SFXN5: variants seen among roughly 807,000 people sequenced by gnomAD.
SFXN5 encodes the protein sideroflexin 5, also known as sideroflexin-5.
Under a neutral mutation model 50.2 loss-of-function variants are expected in SFXN5, and 43 were observed. That is an observed-to-expected ratio of 0.86 (90% CI 0.67 to 1.11). The LOEUF (loss-of-function observed/expected upper bound fraction) is 1.11. Ranked by LOEUF, SFXN5 falls within the 50% of genes least tolerant of loss-of-function variation. The pLI is 0.00. For missense variants in SFXN5, 463 were observed against 454.1 expected (o/e 1.02, Z -0.18); for synonymous variants, 203 against 185.8 (o/e 1.09, Z -0.75).
intron 2 of SFXN5, among the ~76,000 whole-genome samples, chr2:73,045,542 G>T (rs1445723066): frequency 6.6e-6 from 1 of 151,968 alleles, no homozygotes; most frequent in African/African-American, 2.4e-5. Flanking sequence ...GTGGCGGGGG[G>T]TGGGGGTGAG....
chr2:72,955,932 C>T (rs1673042662), intron 13 of SFXN5, among the ~76,000 whole-genome samples: 1 of 152,284 alleles, frequency 6.6e-6, no homozygotes, highest in African/African-American at 2.4e-5. Flanking sequence ...CAAGCTGCCG[C>T]GCAGCCTCTG....
intron 12 of SFXN5, among the ~76,000 whole-genome samples, chr2:72,965,458 C>A (rs1339627225): frequency 6.6e-6 from 1 of 152,162 alleles, no homozygotes; most frequent in East Asian, 1.9e-4. Context: ...CCTCTGTCCT[C>A]GCGATAAGGC....
chr2:72,960,525 T>G lies in SFXN5; in HGVS notation c.945+606A>C, dbSNP rs1384920146. Among the ~76,000 whole-genome samples, 1 of 152,154 alleles carries G rather than the reference T, an allele frequency of 6.6e-6. No individual in the cohort carries two copies. The highest frequency in any genetic ancestry group is 6.5e-5 in the Admixed American group (1 of 15,282). ...CCTGATGGTTCCTTCTCTGGAGCTC[T>G]AACCCAGCCCCACGCGGCAGCACAG... On this transcript the variant is annotated intron_variant, in intron 13 of 13. Transcript: ENST00000272433. This position sits in a 1 kb window ranked among gnomAD's most constrained non-coding sequence, Gnocchi z 6.1.
intron 13 of SFXN5, among the ~76,000 whole-genome samples, chr2:72,952,993 T>G (rs945916827): frequency 6.6e-6 from 1 of 152,176 alleles, no homozygotes; most frequent in Non-Finnish European, 1.5e-5. Flanking sequence ...CTAGGTGTCC[T>G]GGAAGGTCCT....
At chr2:73,044,782 G>A (rs1176077220) in intron 2 of SFXN5, among the ~76,000 whole-genome samples, 1 of 152,264 alleles carries the variant, frequency 6.6e-6, no homozygotes, top group Non-Finnish European at 1.5e-5. Context: ...GTGTCACCAT[G>A]AGAGTCCCTC....
At position 72,984,664 on chromosome 2, in the gene SFXN5, T is replaced by C. The variant is rs537278731; in HGVS notation, c.625+3594A>G. On this transcript the variant is annotated intron_variant, in intron 10 of 13. Transcript: ENST00000272433. ...GAACCGAGGGAGGAGAGAGGCTTGCTAGGGAATATGAGGGGAGCCGTGCAG... is the reference window on the plus strand; with the variant it reads ...GAACCGAGGGAGGAGAGAGGCTTGCCAGGGAATATGAGGGGAGCCGTGCAG... Among the ~76,000 whole-genome samples the C allele has an allele frequency of 2.0e-5, 3 of 152,224 alleles. No individual in the cohort carries two copies. The East Asian group carries it at 5.8e-4, about 29-fold the overall frequency.
At chr2:73,071,235 T>C (rs999912576) in intron 1 of SFXN5, 1 of 238,074 alleles carries the variant, frequency 4.2e-6, no homozygotes, top group African/African-American at 2.3e-5. Flanking sequence ...ACTAGAACTT[T>C]GCGTCCCGGG....
At chr2:73,057,741 G>C (rs1255771702) in intron 2 of SFXN5, among the ~76,000 whole-genome samples, 1 of 152,138 alleles carries the variant, frequency 6.6e-6, no homozygotes, top group East Asian at 1.9e-4. Flanking sequence ...GGAGGTGATT[G>C]AATGATGGGG....
chr2:73,008,279 G>A (rs1402381761), intron 6 of SFXN5, among the ~76,000 whole-genome samples: 1 of 152,202 alleles, frequency 6.6e-6, no homozygotes, highest in Non-Finnish European at 1.5e-5. Context: ...GGTGTTCATG[G>A]TCTGCCCTCC....
At chr2:73,059,904 G>C in intron 1 of SFXN5, 1 of 863,220 alleles carries the variant, frequency 1.2e-6, no homozygotes, top group Non-Finnish European at 1.4e-6. Flanking sequence ...ATTCACTGCT[G>C]CATTCTTTAC....
chr2:73,050,991 G>C (rs1681242924), intron 2 of SFXN5, among the ~76,000 whole-genome samples: 1 of 152,158 alleles, frequency 6.6e-6, no homozygotes, highest in Non-Finnish European at 1.5e-5. Flanking sequence ...CTAGTTCATT[G>C]CTCTCAAGCC....
chr2:72,982,073 G>C (rs972195517), intron 10 of SFXN5, among the ~76,000 whole-genome samples: 1 of 152,090 alleles, frequency 6.6e-6, no homozygotes, highest in African/African-American at 2.4e-5. Flanking sequence ...TGCCACCCCT[G>C]ATTGGGGCAG....
intron 13 of SFXN5, among the ~76,000 whole-genome samples, chr2:72,954,385 C>G (rs1672850505): frequency 6.6e-6 from 1 of 152,098 alleles, no homozygotes; most frequent in South Asian, 2.1e-4. Context: ...CGGGGGAGGT[C>G]AGTTCTCTGC....
At chr2:73,052,359 CGTGTGTGTGTGTGTGTGTGT>C in intron 2 of SFXN5, among the ~76,000 whole-genome samples, 1 of 142,454 alleles carries the variant, frequency 7.0e-6, no homozygotes, top group South Asian at 2.3e-4. Flanking sequence ...TGTGTGTATG[CGTGTGTGTGTGTGTGTGTGT>C]GTGTGTGTGT....
intron 2 of SFXN5, among the ~76,000 whole-genome samples, chr2:73,041,930 C>T (rs1294053685): frequency 1.3e-5 from 2 of 152,120 alleles, no homozygotes; most frequent in East Asian, 3.9e-4. Context: ...AACTCCTGGG[C>T]TCAAGCGAGA....
intron 9 of SFXN5, among the ~76,000 whole-genome samples, chr2:72,993,135 C>T (rs1383850764): frequency 1.3e-5 from 2 of 152,102 alleles, no homozygotes; most frequent in Non-Finnish European, 2.9e-5. Flanking sequence ...GTAAGGGGCA[C>T]GCCTAAAAGG....
rs1209321520 is a variant in SFXN5 at position 72,945,303 on chromosome 2, T to C, written c.946-204A>G. ...CCGCCGCGGGGCTCACAGCATCCCT[T>C]CCAGCCCAGACCAGATCTCTTTCTT... On this transcript the variant is annotated intron_variant, in intron 13 of 13. Coordinates refer to ENST00000272433, the MANE Select transcript of SFXN5 (RefSeq NM_144579.3). The surrounding 1 kb of genome is among the most constrained non-coding windows in gnomAD (Gnocchi z 5.8). Among the ~76,000 whole-genome samples the C allele has an allele frequency of 6.6e-6, 1 of 152,060 alleles. No individual in the cohort carries two copies. Among genetic ancestry groups the C allele is most frequent in the East Asian group, 1.9e-4 (1 of 5,178 alleles).
chr2:73,014,523 C>T (rs1675914088), intron 6 of SFXN5, among the ~76,000 whole-genome samples: 1 of 152,150 alleles, frequency 6.6e-6, no homozygotes, highest in African/African-American at 2.4e-5. Context: ...CTATTCTTAT[C>T]CCCTAGCTTG....
chr2:73,048,620 T>C (rs1269245442), intron 2 of SFXN5, among the ~76,000 whole-genome samples: 1 of 152,252 alleles, frequency 6.6e-6, no homozygotes, highest in East Asian at 1.9e-4. Flanking sequence ...CTTTTATATG[T>C]CTTCCAGTAT....
Sources: gnomAD v4.1 joint callset for allele counts (sites outside exome capture counted in the v4.1 genomes callset) on GRCh38, gnomAD v4.1.1 for gene constraint, Gnocchi (gnomAD v3.1) non-coding constraint, MANE v1.5 for transcripts, NCBI Gene and HGNC (gene_info 2026-07-23, HGNC 2026-07-21) for gene names.